CRYBG1: variants seen among roughly 807,000 people sequenced by gnomAD.
CRYBG1 encodes crystallin beta-gamma domain containing 1.
In CRYBG1, 139 loss-of-function variants were observed where a neutral mutation model predicts 189.2. The ratio of observed to expected loss-of-function variants is 0.73; its 90% CI spans 0.64 to 0.85. The LOEUF is 0.85. Ranked by LOEUF, CRYBG1 falls within the 40% of genes least tolerant of loss-of-function variation. The pLI is 0.00. For missense variants in CRYBG1, 2,611 were observed against 2,675.8 expected (o/e 0.98, Z 0.53); for synonymous variants, 1,023 against 1,017.1 (o/e 1.01, Z -0.11).
chr6:106,384,892 A>ACCAACTGGGAGAAAGAAGGCCCTGGCTCC (rs1437327323), intron 1 of CRYBG1, among the ~76,000 whole-genome samples: 1 of 147,376 alleles, frequency 6.8e-6, no homozygotes, highest in Non-Finnish European at 1.5e-5. Context: ...TTTGGGGTGC[A>ACCAACTGGGAGAAAGAAGGCCCTGGCTCC]GTCTCTTTCA....
intron 3 of CRYBG1, 74 bp downstream of exon 3, chr6:106,513,113 G>GGAT (rs1773338808): frequency 6.7e-7 from 1 of 1,492,086 alleles, no homozygotes; most frequent in Non-Finnish European, 8.9e-7. Flanking sequence ...GAGGCTCGGG[G>GGAT]TATCTGCATT....
chr6:106,555,431 G>T (rs1323541642), intron 16 of CRYBG1, among the ~76,000 whole-genome samples: 1 of 152,124 alleles, frequency 6.6e-6, no homozygotes, highest in African/African-American at 2.4e-5. Flanking sequence ...CTTGAAGAAG[G>T]ATTATTCAAA....
intron 11 of CRYBG1, among the ~76,000 whole-genome samples, chr6:106,543,919 T>G (rs2114574189): frequency 6.6e-6 from 1 of 152,260 alleles, no homozygotes; most frequent in South Asian, 2.1e-4. Context: ...GAGCGTGGTG[T>G]CACATGCCTG....
chr6:106,395,114 G>T (rs1770579018), intron 1 of CRYBG1, among the ~76,000 whole-genome samples: 1 of 151,516 alleles, frequency 6.6e-6, no homozygotes, highest in Non-Finnish European at 1.5e-5. Context: ...CTGCTTCTAG[G>T]CTGGGCACAG....
chr6:106,555,022 A>C (rs530337649), intron 16 of CRYBG1, among the ~76,000 whole-genome samples: 209 of 151,774 alleles, frequency 1.4e-3, no homozygotes, highest in African/African-American at 4.9e-3. Flanking sequence ...AAAATTAGCC[A>C]GGTGTGGTGG....
intron 1 of CRYBG1, among the ~76,000 whole-genome samples, chr6:106,401,794 T>C (rs1770725769): frequency 7.5e-6 from 1 of 133,324 alleles, no homozygotes; most frequent in Non-Finnish European, 1.6e-5. Flanking sequence ...ATTTTCTTAA[T>C]CCAGTCTATC....
chr6:106,429,635 ATAGT>A (rs1250276346), intron 1 of CRYBG1, among the ~76,000 whole-genome samples: 1 of 152,256 alleles, frequency 6.6e-6, no homozygotes, highest in African/African-American at 2.4e-5. Flanking sequence ...AGTACAGTAA[ATAGT>A]TAAACAGCTT....
intron 2 of CRYBG1, among the ~76,000 whole-genome samples, chr6:106,476,768 G>A (rs1293847424): frequency 2.0e-5 from 3 of 152,196 alleles, no homozygotes; most frequent in African/African-American, 7.2e-5. Context: ...AGTAAGACCA[G>A]TTCCCAGTGT....
At chr6:106,518,902 C>T (rs1418090390) in intron 3 of CRYBG1, among the ~76,000 whole-genome samples, 1 of 151,734 alleles carries the variant, frequency 6.6e-6, no homozygotes, top group Admixed American at 6.6e-5. Flanking sequence ...GAGGCTGCAG[C>T]AATCTATGAT....
intron 2 of CRYBG1, among the ~76,000 whole-genome samples, chr6:106,505,187 C>T (rs554047489): frequency 9.9e-5 from 15 of 152,092 alleles, no homozygotes; most frequent in African/African-American, 1.7e-4. Flanking sequence ...CTCCGCCTCC[C>T]GGGTTCAAGC....
intron 6 of CRYBG1, among the ~76,000 whole-genome samples, chr6:106,525,971 A>G (rs551384970): frequency 6.6e-6 from 1 of 152,360 alleles, no homozygotes; most frequent in African/African-American, 2.4e-5. Flanking sequence ...AAGTAAAGAA[A>G]CTGGTGAAAA....
At chr6:106,559,873 T>C (rs917290647) in intron 18 of CRYBG1, among the ~76,000 whole-genome samples, 1 of 152,054 alleles carries the variant, frequency 6.6e-6, no homozygotes, top group Non-Finnish European at 1.5e-5. Context: ...AGTGGGCAGA[T>C]CACTGGAACC....
chr6:106,446,458 T>C (rs1771665809), intron 1 of CRYBG1, among the ~76,000 whole-genome samples: 1 of 152,236 alleles, frequency 6.6e-6, no homozygotes, highest in South Asian at 2.1e-4. Context: ...GTAATAATTC[T>C]TTGGATAGAC....
Position 106,566,659 on chromosome 6 carries a change from T to C in CRYBG1, c.6302-1813T>C, listed in dbSNP as rs146932516. Among the ~76,000 whole-genome samples the C allele has an allele frequency of 4.9e-3, 739 of 151,890 alleles. 4 individuals carry two copies. Among genetic ancestry groups the C allele is most frequent in the Admixed American group, 9.3e-3 (141 of 15,228 alleles). Reference sequence around the variant, plus strand: ...GCTAGCTACAACAGTTTTAATTCCTTGTTAAACTGAATTTAATTTTCTCAG... The same window carrying C: ...GCTAGCTACAACAGTTTTAATTCCTCGTTAAACTGAATTTAATTTTCTCAG... On this transcript the variant is annotated intron_variant, in intron 21 of 21. Transcript: ENST00000633556.
chr6:106,514,643 G>A (rs1369015147), intron 3 of CRYBG1, among the ~76,000 whole-genome samples: 5 of 152,182 alleles, frequency 3.3e-5, no homozygotes, highest in Non-Finnish European at 5.9e-5. Flanking sequence ...ACATTGCTGT[G>A]TACCTTATGA....
At chr6:106,474,897 A>G (rs984179529) in intron 2 of CRYBG1, among the ~76,000 whole-genome samples, 1 of 152,228 alleles carries the variant, frequency 6.6e-6, no homozygotes, top group Non-Finnish European at 1.5e-5. Context: ...ATATTTAAAC[A>G]TATGGTATGT....
intron 1 of CRYBG1, among the ~76,000 whole-genome samples, chr6:106,435,513 GACAAGTGTC>G: frequency 6.6e-6 from 1 of 152,192 alleles, no homozygotes; most frequent in Non-Finnish European, 1.5e-5. Flanking sequence ...TTAATTATCT[GACAAGTGTC>G]AAAACAGATG....
intron 1 of CRYBG1, among the ~76,000 whole-genome samples, chr6:106,441,863 A>T (rs1771573397): frequency 6.6e-6 from 1 of 152,228 alleles, no homozygotes; most frequent in South Asian, 2.1e-4. Flanking sequence ...CCTCCATAAG[A>T]ATTATTTTGA....
At chr6:106,556,320 G>A (rs933759119) in intron 17 of CRYBG1, among the ~76,000 whole-genome samples, 7 of 152,300 alleles carry the variant, frequency 4.6e-5, no homozygotes, top group South Asian at 2.1e-4. Context: ...GCAGTATGTC[G>A]TCATTGGGTT....
Sources: allele counts gnomAD v4.1 joint callset (sites outside exome capture counted in the v4.1 genomes callset), GRCh38; gene constraint gnomAD v4.1.1; transcripts MANE v1.5; gene names NCBI Gene and HGNC (gene_info 2026-07-23, HGNC 2026-07-21).